Variants in CFAP74 observed in about 807,000 individuals in gnomAD.
CFAP74 encodes cilia and flagella associated protein 74.
Under a neutral mutation model 188.9 loss-of-function variants are expected in CFAP74, and 124 were observed. That is an observed-to-expected ratio of 0.66 (90% CI 0.57 to 0.76). The LOEUF (loss-of-function observed/expected upper bound fraction) is 0.76, where lower values mean the gene tolerates loss of function less well. Among genes scored for constraint, CFAP74 ranks in the 30% least tolerant of loss-of-function variants. The probability of loss-of-function intolerance (pLI) is 0.00; values close to 1 mark genes in which losing one functional copy is unlikely to be tolerated. For missense variants in CFAP74, 2,198 were observed against 2,165.2 expected (o/e 1.02, Z -0.30); for synonymous variants, 956 against 916.7 (o/e 1.04, Z -0.77).
intron 6 of CFAP74, among the ~76,000 whole-genome samples, chr1:1,979,243 T>C (rs1489914482): frequency 7.2e-5 from 5 of 69,420 alleles, no homozygotes; most frequent in Admixed American, 1.5e-4. Context: ...ACAGAACACG[T>C]GTGTCGTGCT....
At chr1:1,986,348 C>G (rs964334614) in intron 5 of CFAP74, among the ~76,000 whole-genome samples, 4 of 152,226 alleles carry the variant, frequency 2.6e-5, no homozygotes, top group Non-Finnish European at 4.4e-5. Flanking sequence ...AGCCCCTCAC[C>G]CCCCAGGGCC....
At chr1:1,983,365 G>A (rs941002624) in intron 6 of CFAP74, among the ~76,000 whole-genome samples, 8 of 152,172 alleles carry the variant, frequency 5.3e-5, no homozygotes, top group African/African-American at 1.9e-4. Context: ...CTGCACTGAA[G>A]AAGCCAGCGG....
At chr1:1,944,223 C>T (rs558074994) in intron 21 of CFAP74, 108 bp downstream of exon 21, 1 of 1,463,378 alleles carries the variant, frequency 6.8e-7, no homozygotes, top group South Asian at 1.4e-5. Context: ...GTGCGTGGGT[C>T]ACCCCGTGTG....
At chr1:1,931,195 C>T (rs914740000) in intron 25 of CFAP74, among the ~76,000 whole-genome samples, 8 of 151,860 alleles carry the variant, frequency 5.3e-5, no homozygotes, top group African/African-American at 1.7e-4. Context: ...TTTGGGAGGC[C>T]GAGGAGGGCG....
At position 1,987,731 on chromosome 1, in the gene CFAP74, G is replaced by A. The variant is rs529141882; in HGVS notation, c.297-696C>T. Among the ~76,000 whole-genome samples the A allele has an allele frequency of 4.5e-4, 68 of 152,144 alleles. No individual in the cohort carries two copies. In the Middle Eastern group the frequency reaches 0.01, roughly 23 times the overall value. On this transcript the variant is annotated intron_variant, in intron 4 of 38. Coordinates refer to ENST00000682832, the MANE Select transcript of CFAP74 (RefSeq NM_001304360.2). ...TAATTTTTGTATTTTTAGTAGAGAC[G>A]GGGTTTCACCATATTGGCCAGGCTG...
At chr1:1,950,373 C>G (rs1478516334) in intron 18 of CFAP74, among the ~76,000 whole-genome samples, 2 of 147,366 alleles carry the variant, frequency 1.4e-5, no homozygotes, top group Non-Finnish European at 3.0e-5. Flanking sequence ...TTCATTCACT[C>G]TCATTGCCCA....
intron 14 of CFAP74, among the ~76,000 whole-genome samples, chr1:1,962,504 T>C (rs570582089): frequency 7.0e-6 from 1 of 142,206 alleles, no homozygotes; most frequent in African/African-American, 2.6e-5. Flanking sequence ...AGTAAGTTAC[T>C]AAGGAGCAGA....
chr1:1,930,471 G>C, intron 25 of CFAP74, 135 bp from the exon 26 acceptor site: 1 of 823,490 alleles, frequency 1.2e-6, no homozygotes, highest in South Asian at 2.1e-5. Flanking sequence ...GCTGCCCAGG[G>C]GGTCACTGCG....
chr1:1,989,339 C>T (rs188067071), intron 2 of CFAP74, among the ~76,000 whole-genome samples: 8 of 152,354 alleles, frequency 5.3e-5, no homozygotes, highest in East Asian at 1.9e-4. Flanking sequence ...CAGGACAGGG[C>T]GGACGGTGTG....
chr1:1,925,163 AGGGC>A (rs1454339355), intron 33 of CFAP74, among the ~76,000 whole-genome samples: 3 of 137,730 alleles, frequency 2.2e-5, no homozygotes, highest in African/African-American at 8.5e-5. Context: ...CGAAGGCATG[AGGGC>A]ACGCAGGGCA....
chr1:1,955,840 A>C lies in CFAP74; in HGVS notation c.2027T>G (p.Leu676Arg). Residue 676 changes from leucine (L) to arginine (R), a missense_variant, in exon 18 of 39, where the codon CTG (leucine) becomes CGG (arginine). By Grantham distance (102) the Leu-to-Arg change is moderately radical (BLOSUM62 -2). Coordinates refer to ENST00000682832, the MANE Select transcript of CFAP74 (RefSeq NM_001304360.2). ...ATACAAGCTTTTATCTTCGTAGGTC[A>C]GGAGACTGCTCTAGAGAGGAGAATC... Reference protein sequence around the residue: ...SQSALKLSSLLTYEDKSLYDK... With the variant: ...SQSALKLSSLRTYEDKSLYDK... 6.2e-7 allele frequency: 1 copy of C among 1,613,062 alleles called. No homozygotes were observed. Among genetic ancestry groups the C allele is most frequent in the Non-Finnish European group, 8.5e-7 (1 of 1,179,904 alleles).
rs571313108 is a variant in CFAP74, at chr1:1,926,735, A to G, written c.3689T>C (p.Leu1230Pro). The G allele has an allele frequency of 6.5e-6, 10 of 1,550,042 alleles. No individual in the cohort carries two copies. The African/African-American group carries it at 6.8e-5, about 11-fold the overall frequency. Residue 1230 changes from leucine (L) to proline (P), a missense_variant, in exon 30 of 39, where the codon CTG (leucine) becomes CCG (proline). Coordinates refer to ENST00000682832, the MANE Select transcript of CFAP74 (RefSeq NM_001304360.2). Reference protein sequence around the residue: ...FSPHNTLYLELWCPTVAPSVV... With the variant: ...FSPHNTLYLEPWCPTVAPSVV... ...AGATGGTGCCACCGTCGGGCACCAC[A>G]GCTCCAGGTACAGGGTGTTGTGGGG...
At chr1:1,932,368 G>C (rs868192235) in intron 25 of CFAP74, among the ~76,000 whole-genome samples, 1 of 149,954 alleles carries the variant, frequency 6.7e-6, no homozygotes, top group African/African-American at 2.4e-5. Flanking sequence ...CCGCACTCCA[G>C]CCTGGGTGAT....
rs760358107 is a variant in CFAP74 at position 1,966,505 on chromosome 1, G to A, written c.1267C>T (p.Pro423Ser). The change falls in exon 12 of 39, where the codon CCC becomes TCC. Residue 423 changes from proline to serine, a missense_variant. Transcript: ENST00000682832. The stretch of plus-strand genomic sequence containing the variant: ...ACTTCCAGCAACCGAGAGGGCCCGG[G>A]GCCTGCAGCAGCCTCGTAGTCCTGC... The part of the protein sequence containing the change: ...YTLDYEAAAG[P>S]GPSRLLEVVS... 6.3e-7 allele frequency: 1 copy of A among 1,581,228 alleles called. No individual in the cohort carries two copies. Among genetic ancestry groups the A allele is most frequent in the South Asian group, 1.1e-5 (1 of 87,860 alleles).
intron 38 of CFAP74, 70 bp from the exon 39 acceptor site, chr1:1,922,458 C>T: frequency 1.3e-6 from 2 of 1,546,106 alleles, no homozygotes; most frequent in South Asian, 1.2e-5. Context: ...GCTGTCTTCC[C>T]ACTGCCCTGC....
At position 1,924,372 on chromosome 1, in the gene CFAP74, C is replaced by T. The variant is rs1479890793; in HGVS notation, c.4234+19G>A. The T allele has an allele frequency of 1.3e-5, 3 of 238,602 alleles. No homozygotes were observed. The highest frequency in any genetic ancestry group is 2.3e-5 in the Non-Finnish European group (3 of 132,868). The allele number at this position is 238,602 out of a possible 1,614,324, so 14.8% of individuals were successfully genotyped here. ...GCCCACCCCCGCAGCTCACCACCCA[C>T]CCCCCACCCCCCGCTCACCGACCAC... On this transcript the variant is annotated intron_variant, in intron 34 of 38. Coordinates refer to ENST00000682832, the MANE Select transcript of CFAP74 (RefSeq NM_001304360.2).
chr1:1,981,381 C>A (rs1180076247), intron 6 of CFAP74, among the ~76,000 whole-genome samples: 1 of 151,986 alleles, frequency 6.6e-6, no homozygotes, highest in Admixed American at 6.5e-5. Context: ...CGGGGACCCT[C>A]GGGGGCTGGC....
At chr1:1,922,752 G>C (rs746926645) in intron 37 of CFAP74, 29 bp from the exon 38 acceptor site, 7 of 1,594,414 alleles carry the variant, frequency 4.4e-6, no homozygotes, top group Non-Finnish European at 6.0e-6. Flanking sequence ...CTGTAGGCTG[G>C]CGACCAGGCA....
intron 12 of CFAP74, 102 bp from the exon 13 acceptor site, chr1:1,965,163 G>A (rs1655384533): frequency 1.7e-6 from 2 of 1,166,432 alleles, no homozygotes; most frequent in African/African-American, 1.5e-5. Flanking sequence ...AGCACGGACA[G>A]CCCAGCCCCA....
Sources: gnomAD v4.1 joint callset for allele counts (sites outside exome capture counted in the v4.1 genomes callset) on GRCh38, gnomAD v4.1.1 for gene constraint, MANE v1.5 for transcripts, NCBI Gene and HGNC (gene_info 2026-07-23, HGNC 2026-07-21) for gene names.